The following DPYSL2 variants were observed in gnomAD, a reference collection of about 807,000 sequenced individuals.
The protein encoded by DPYSL2 is dihydropyrimidinase-related protein 2.
A neutral mutation model predicts 69.9 loss-of-function variants in DPYSL2; 13 were observed. The ratio of observed to expected loss-of-function variants is 0.19; its 90% CI spans 0.12 to 0.30. DPYSL2 has a LOEUF of 0.30. Among genes scored for constraint, DPYSL2 ranks in the 10% least tolerant of loss-of-function variants. The probability of loss-of-function intolerance (pLI) is 1.00; values close to 1 mark genes in which losing one functional copy is unlikely to be tolerated. For missense variants in DPYSL2, 587 were observed against 918.9 expected, an observed-to-expected ratio of 0.64 and a Z score of 4.67; for synonymous variants, 326 against 359.1, an observed-to-expected ratio of 0.91 and a Z score of 1.04.
intron 7 of DPYSL2, among the ~76,000 whole-genome samples, chr8:26,630,818 C>T (rs1002653487): frequency 6.6e-6 from 1 of 152,200 alleles, no homozygotes; most frequent in African/African-American, 2.4e-5. Flanking sequence ...CCTGCTACCC[C>T]AACCCCTCCC....
intron 1 of DPYSL2, among the ~76,000 whole-genome samples, chr8:26,531,541 T>A (rs538184975): frequency 2.0e-5 from 3 of 152,214 alleles, no homozygotes; most frequent in South Asian, 4.2e-4. Flanking sequence ...CATCTAGAGC[T>A]GGGATGAATC....
Position 26,560,172 on chromosome 8 carries a change from G to C in DPYSL2, c.355-21797G>C, listed in dbSNP as rs888972512. On this transcript the variant is annotated intron_variant, in intron 1 of 13. Coordinates refer to ENST00000521913, the MANE Select transcript of DPYSL2 (RefSeq NM_001197293.3). The surrounding 1 kb of genome is among the most constrained non-coding windows in gnomAD (Gnocchi z 4.4). Reference sequence around the variant, plus strand: ...ATCAGGAGCAGACGCGACCATTCCCGACGGCCTTGGCAGCTCACTCTGCCT... The same window carrying C: ...ATCAGGAGCAGACGCGACCATTCCCCACGGCCTTGGCAGCTCACTCTGCCT... Among the ~76,000 whole-genome samples the C allele has an allele frequency of 1.3e-5, 2 of 152,166 alleles. No homozygotes were observed. The highest frequency in any genetic ancestry group is 4.8e-5 in the African/African-American group (2 of 41,434).
chr8:26,567,859 G>A (rs541368856), intron 1 of DPYSL2, among the ~76,000 whole-genome samples: 1 of 152,328 alleles, frequency 6.6e-6, no homozygotes, highest in South Asian at 2.1e-4. Context: ...GTCTCTCCAG[G>A]CTCCAGTGTT....
chr8:26,527,675 A>G lies in DPYSL2; in HGVS notation c.354+12996A>G, dbSNP rs957560157. Among the ~76,000 whole-genome samples the G allele has an allele frequency of 3.3e-5, 5 of 152,198 alleles. No individual in the cohort carries two copies. The East Asian group carries it at 9.6e-4, about 29-fold the overall frequency. On this transcript the variant is annotated intron_variant, in intron 1 of 13. Transcript: ENST00000521913. ...AATAAAGACATTAAAAAATTATCAC[A>G]ATATTATTTCATAAAATAAACAACA...
intron 3 of DPYSL2, among the ~76,000 whole-genome samples, chr8:26,611,124 G>A (rs1467836875): frequency 6.6e-6 from 1 of 152,240 alleles, no homozygotes; most frequent in Non-Finnish European, 1.5e-5. Context: ...GAACTAGTCA[G>A]TGGTAGAGCC....
In DPYSL2 at chr8:26,627,809, C is replaced by G; in HGVS notation, c.937-63C>G. The G allele has an allele frequency of 6.5e-7, 1 of 1,549,638 alleles. No individual in the cohort carries two copies. Among genetic ancestry groups the G allele is most frequent in the Middle Eastern group, 2.1e-4 (1 of 4,842 alleles). Reference sequence around the variant, plus strand: ...CCCGGATAACTGCATGCCCGGGCCTCTGCCATCAGAGCTGTGCAAAATCCA... The same window carrying G: ...CCCGGATAACTGCATGCCCGGGCCTGTGCCATCAGAGCTGTGCAAAATCCA... On this transcript the variant is annotated intron_variant, in intron 6 of 13. Transcript: ENST00000521913. The surrounding 1 kb of genome is among the most constrained non-coding windows in gnomAD (Gnocchi z 6.9).
Position 26,627,134 on chromosome 8 carries a change from C to A in DPYSL2, c.856-81C>A. 2 of 1,330,524 alleles carry A rather than the reference C, an allele frequency of 1.5e-6. No individual in the cohort carries two copies. The highest frequency in any genetic ancestry group is 2.2e-6 in the Non-Finnish European group (2 of 927,158). 82.4% of individuals were successfully genotyped at this position (1,330,524 alleles called of 1,614,324 possible). On this transcript the variant is annotated intron_variant, in intron 5 of 13. Transcript: ENST00000521913. This position sits in a 1 kb window ranked among gnomAD's most constrained non-coding sequence, Gnocchi z 6.9. The stretch of plus-strand genomic sequence containing the variant: ...TGTCCTGTTTCTCATCCCAGAAATG[C>A]CTCTGGTGGGGAGATGATTGTCTTT...
chr8:26,644,318 A>G lies in DPYSL2; in HGVS notation c.1425+227A>G, dbSNP rs1268316684. ...TATTTCTTTTTAAAACAATTTTTAAATTTTTTTCAGACAAGGTCTTGCTCT... is the reference window on the plus strand; with the variant it reads ...TATTTCTTTTTAAAACAATTTTTAAGTTTTTTTCAGACAAGGTCTTGCTCT... On this transcript the variant is annotated intron_variant, in intron 10 of 13. Transcript: ENST00000521913. The surrounding 1 kb of genome is among the most constrained non-coding windows in gnomAD (Gnocchi z 4.5). 6.6e-6 allele frequency among the ~76,000 whole-genome samples: 1 copy of G among 152,156 alleles called. No individual in the cohort carries two copies. Among genetic ancestry groups the G allele is most frequent in the Non-Finnish European group, 1.5e-5 (1 of 67,986 alleles).
intron 3 of DPYSL2, among the ~76,000 whole-genome samples, chr8:26,599,502 A>C (rs978829188): frequency 3.3e-5 from 5 of 152,046 alleles, no homozygotes; most frequent in African/African-American, 9.7e-5. Context: ...GGATTTTCAA[A>C]GAAAGAAAAT....
In DPYSL2 at chr8:26,578,157, GA is replaced by G. The variant is rs1316709438; in HGVS notation, c.355-3805del. 9 of 1,598,956 alleles carry G rather than the reference GA, an allele frequency of 5.6e-6. No homozygotes were observed. The African/African-American group carries it at 1.1e-4, about 19-fold the overall frequency. On this transcript the variant is annotated intron_variant, in intron 1 of 13. Coordinates refer to ENST00000521913, the MANE Select transcript of DPYSL2 (RefSeq NM_001197293.3). ...TTGCACCCTTTTCAATCTTGCAAAG[GA>G]AAAAAACAAAACAAAACAAAAAAAA...
intron 1 of DPYSL2, among the ~76,000 whole-genome samples, chr8:26,518,421 T>C (rs763341490): frequency 6.6e-6 from 1 of 152,224 alleles, no homozygotes; most frequent in Non-Finnish European, 1.5e-5. Context: ...CAGCTGGTTA[T>C]TGAACTAATC....
At position 26,516,549 on chromosome 8, in the gene DPYSL2, C is replaced by G. The variant is rs931319461; in HGVS notation, c.354+1870C>G. ...TCAAGTTTGAAAGGCATAGTTTTAT[C>G]GGGTTGAATAACACTTCTTTTTTCT... On this transcript the variant is annotated intron_variant, in intron 1 of 13. Transcript: ENST00000521913. This position sits in a 1 kb window ranked among gnomAD's most constrained non-coding sequence, Gnocchi z 4.8. 6.6e-6 allele frequency among the ~76,000 whole-genome samples: 1 copy of G among 152,118 alleles called. No homozygotes were observed. The highest frequency in any genetic ancestry group is 2.4e-5 in the African/African-American group (1 of 41,428).
rs1319668026 is a variant in DPYSL2 at position 26,588,080 on chromosome 8, G to T, written c.628+4097G>T. 6.6e-6 allele frequency among the ~76,000 whole-genome samples: 1 copy of T among 152,170 alleles called. No homozygotes were observed. Among genetic ancestry groups the T allele is most frequent in the Non-Finnish European group, 1.5e-5 (1 of 68,034 alleles). On this transcript the variant is annotated intron_variant, in intron 3 of 13. Transcript: ENST00000521913. The surrounding 1 kb of genome is among the most constrained non-coding windows in gnomAD (Gnocchi z 5.4). ...GTTTTGACAAAGGTGGACTGTGGTG[G>T]CATCACAACAGCATCTGCCCAGTAG...
At chr8:26,601,817 A>G (rs1254555317) in intron 3 of DPYSL2, among the ~76,000 whole-genome samples, 3 of 152,238 alleles carry the variant, frequency 2.0e-5, no homozygotes, top group Non-Finnish European at 2.9e-5. Context: ...TGGAACAAAG[A>G]CAGTACTTGA....
Position 26,627,561 on chromosome 8 carries a change from T to TG in DPYSL2, c.936+270dup, listed in dbSNP as rs776882712. Among the ~76,000 whole-genome samples, 13 of 152,154 alleles carry TG rather than the reference T, an allele frequency of 8.5e-5. 1 individual carries two copies. The East Asian group carries it at 1.5e-3, about 18-fold the overall frequency. On this transcript the variant is annotated intron_variant, in intron 6 of 13. Coordinates refer to ENST00000521913, the MANE Select transcript of DPYSL2 (RefSeq NM_001197293.3). This position sits in a 1 kb window ranked among gnomAD's most constrained non-coding sequence, Gnocchi z 6.9. ...GGTGCTGTAACGCAGCTGCCTTGGG[T>TG]GGGGTACGGGAACCCTCACGTCACA... is the stretch of plus-strand genomic sequence containing the variant.
rs1479667292 is a variant in DPYSL2 at position 26,653,245 on chromosome 8, G to T, written c.1790G>T (p.Arg597Ile). ...TGTGTTTTGCAGCTGGCTGAGCTGAGAGGGGTTCCTCGTGGCCTGTATGAC... is the reference window on the plus strand; with the variant it reads ...TGTGTTTTGCAGCTGGCTGAGCTGATAGGGGTTCCTCGTGGCCTGTATGAC... ...IKARSRLAEL[R>I]GVPRGLYDGP... Residue 597 changes from arginine (R) to isoleucine (I), a missense_variant, in exon 13 of 14, where the codon AGA (arginine) becomes ATA (isoleucine). Arg to Ile is a moderately conservative substitution (Grantham distance 97). Coordinates refer to ENST00000521913, the MANE Select transcript of DPYSL2 (RefSeq NM_001197293.3). This position sits in a 1 kb window ranked among gnomAD's most constrained non-coding sequence, Gnocchi z 5.7. 43 of 1,613,872 alleles carry T rather than the reference G, an allele frequency of 2.7e-5. No homozygotes were observed. The highest frequency in any genetic ancestry group is 3.4e-5 in the Non-Finnish European group (40 of 1,179,910).
intron 1 of DPYSL2, among the ~76,000 whole-genome samples, chr8:26,569,525 T>C (rs957808920): frequency 6.6e-6 from 1 of 152,150 alleles, no homozygotes; most frequent in African/African-American, 2.4e-5. Context: ...TCCTGTTCAT[T>C]TGTCATTTAA....
rs896985085 is a variant in DPYSL2, at chr8:26,627,077, C to CA, written c.856-131dup. The CA allele has an allele frequency of 1.5e-5, 11 of 742,710 alleles. No homozygotes were observed. The highest frequency in any genetic ancestry group is 1.4e-4 in the African/African-American group (8 of 56,654). The allele number at this position is 742,710 out of a possible 1,614,324, so 46.0% of individuals were successfully genotyped here. On this transcript the variant is annotated intron_variant, in intron 5 of 13. Coordinates refer to ENST00000521913, the MANE Select transcript of DPYSL2 (RefSeq NM_001197293.3). This position sits in a 1 kb window ranked among gnomAD's most constrained non-coding sequence, Gnocchi z 6.9. ...GCCAGTAACATTGCCCTCATCATATCAAAAAAAGTCAGGCTAATAGAATCG... is the reference window on the plus strand; with the variant it reads ...GCCAGTAACATTGCCCTCATCATATCAAAAAAAAGTCAGGCTAATAGAATCG...
intron 1 of DPYSL2, among the ~76,000 whole-genome samples, chr8:26,567,084 A>ACATCCATC (rs1395695731): frequency 4.1e-4 from 61 of 149,636 alleles, no homozygotes; most frequent in African/African-American, 1.2e-3. Flanking sequence ...GTCCACCCAC[A>ACATCCATC]CATCCATCCA....
Sources: allele counts gnomAD v4.1 joint callset (sites outside exome capture counted in the v4.1 genomes callset), GRCh38; gene constraint gnomAD v4.1.1; non-coding constraint Gnocchi (gnomAD v3.1); transcripts MANE v1.5; gene names NCBI Gene and HGNC (gene_info 2026-07-23, HGNC 2026-07-21).